PPP2R2B: variants seen among roughly 807,000 people sequenced by gnomAD.
PPP2R2B encodes serine/threonine-protein phosphatase 2A 55 kDa regulatory subunit B beta isoform.
PPP2R2B carries 5 observed loss-of-function variants against 46.0 expected under a neutral mutation model. That is an observed-to-expected ratio of 0.11 (90% CI 0.06 to 0.23). PPP2R2B has a LOEUF of 0.23. Ranked by LOEUF, PPP2R2B falls within the 10% of genes least tolerant of loss-of-function variation. The probability of loss-of-function intolerance (pLI) is 1.00; values close to 1 mark genes in which losing one functional copy is unlikely to be tolerated. For missense variants in PPP2R2B, 367 were observed against 575.0 expected, an observed-to-expected ratio of 0.64 and a Z score of 3.70; for synonymous variants, 215 against 206.7, an observed-to-expected ratio of 1.04 and a Z score of -0.34.
chr5:146,808,281 G>A (rs1333160997), intron 2 of PPP2R2B, among the ~76,000 whole-genome samples: 1 of 152,092 alleles, frequency 6.6e-6, no homozygotes. Context: ...CATTTCAAGG[G>A]CTCAACAGTC....
intron 2 of PPP2R2B, among the ~76,000 whole-genome samples, chr5:146,845,833 GC>G (rs1360182058): frequency 5.9e-5 from 9 of 152,110 alleles, no homozygotes; most frequent in Non-Finnish European, 1.3e-4. Flanking sequence ...AATTCCTCCA[GC>G]AAGTGTAAAT....
intron 2 of PPP2R2B, among the ~76,000 whole-genome samples, chr5:146,726,073 G>A (rs997038337): frequency 1.3e-5 from 2 of 152,068 alleles, no homozygotes; most frequent in African/African-American, 4.8e-5. Flanking sequence ...AGTCCTACCT[G>A]GAGCCTTGAT....
intron 6 of PPP2R2B, among the ~76,000 whole-genome samples, chr5:146,644,216 C>A (rs1285784329): frequency 9.2e-6 from 1 of 109,002 alleles, no homozygotes; most frequent in African/African-American, 3.6e-5. Context: ...ACCTGAACTT[C>A]TTCCCTTAGG....
intron 1 of PPP2R2B, among the ~76,000 whole-genome samples, chr5:146,920,439 C>T (rs926436793): frequency 3.3e-5 from 5 of 152,180 alleles, no homozygotes; most frequent in African/African-American, 1.2e-4. Flanking sequence ...GCACAGTAGG[C>T]ATCTGGATCT....
At chr5:146,746,144 G>A (rs1262166562) in intron 2 of PPP2R2B, among the ~76,000 whole-genome samples, 3 of 152,124 alleles carry the variant, frequency 2.0e-5, no homozygotes, top group Non-Finnish European at 2.9e-5. Flanking sequence ...GCCATGCAGC[G>A]TGTTAATCAA....
At chr5:146,875,432 A>G (rs1290009060) in intron 2 of PPP2R2B, among the ~76,000 whole-genome samples, 1 of 152,142 alleles carries the variant, frequency 6.6e-6, no homozygotes, top group Admixed American at 6.5e-5. Context: ...GCTTGGGTGA[A>G]AGTGTCCTTT....
chr5:146,716,960 T>C (rs1479264390), intron 2 of PPP2R2B, among the ~76,000 whole-genome samples: 1 of 152,174 alleles, frequency 6.6e-6, no homozygotes, highest in Non-Finnish European at 1.5e-5. Context: ...GAAAGCATCT[T>C]TTTCAGTACC....
At chr5:146,657,097 T>G (rs1776382490) in intron 5 of PPP2R2B, among the ~76,000 whole-genome samples, 1 of 152,174 alleles carries the variant, frequency 6.6e-6, no homozygotes, top group Non-Finnish European at 1.5e-5. Context: ...GTGCCTTGCT[T>G]CAGAGACATG....
rs183665100 is a variant in PPP2R2B at position 147,029,759 on chromosome 5, C to T, written c.79+25906G>A. 3.8e-3 allele frequency among the ~76,000 whole-genome samples: 580 copies of T among 152,134 alleles called. 6 individuals carry two copies. Among genetic ancestry groups the T allele is most frequent in the African/African-American group, 0.013 (548 of 41,518 alleles). ...GAGTGGGCACGCATAAAGGAAAGGC[C>T]ATGTGAGGTCAGAGCAAGAAGGAAG... On this transcript the variant is annotated intron_variant, in intron 1 of 8. Transcript: ENST00000336640.
chr5:146,667,325 TGCGCGC>T lies in PPP2R2B; in HGVS notation c.448-16607_448-16602del, dbSNP rs748404166. 6.6e-3 allele frequency among the ~76,000 whole-genome samples: 285 copies of T among 42,956 alleles called. 2 individuals are homozygous for T. Among genetic ancestry groups the T allele is most frequent in the African/African-American group, 0.017 (246 of 14,424 alleles). 28.2% of individuals were successfully genotyped at this position (42,956 alleles called of 152,430 possible). A position where few individuals can be genotyped will look rare whatever the true frequency, so the allele number is the denominator to read the frequency against. On this transcript the variant is annotated intron_variant, in intron 5 of 9. Coordinates refer to ENST00000394411, the MANE Select transcript of PPP2R2B (RefSeq NM_181675.4). ...CAAGGAGAGACAGCAGGAATAGGCG[TGCGCGC>T]GCACACACACACACACACACACACA...
At chr5:147,052,210 T>G (rs1018346832) in intron 1 of PPP2R2B, among the ~76,000 whole-genome samples, 3 of 152,192 alleles carry the variant, frequency 2.0e-5, no homozygotes, top group Non-Finnish European at 4.4e-5. Context: ...CAAGCCACAA[T>G]GATGAAAACA....
intron 2 of PPP2R2B, among the ~76,000 whole-genome samples, chr5:146,716,834 C>T (rs1041354759): frequency 4.6e-5 from 7 of 152,148 alleles, no homozygotes; most frequent in Admixed American, 1.3e-4. Context: ...TGACTCATTT[C>T]TATTGGATTA....
chr5:147,031,895 TC>T (rs1034079797), intron 1 of PPP2R2B, among the ~76,000 whole-genome samples: 8 of 152,080 alleles, frequency 5.3e-5, no homozygotes, highest in Non-Finnish European at 5.9e-5. Flanking sequence ...AAAAATCGAC[TC>T]AAGATGGATT....
At chr5:146,757,002 T>C (rs1006530633) in intron 2 of PPP2R2B, among the ~76,000 whole-genome samples, 1 of 152,148 alleles carries the variant, frequency 6.6e-6, no homozygotes, top group Non-Finnish European at 1.5e-5. Context: ...AGCTAGAGAA[T>C]GAAGCTCTGA....
intron 9 of PPP2R2B, among the ~76,000 whole-genome samples, chr5:146,591,608 A>ATACTT (rs1181909200): frequency 6.6e-6 from 1 of 150,776 alleles, no homozygotes; most frequent in African/African-American, 2.5e-5. Flanking sequence ...ACTGCTTCCC[A>ATACTT]TACTTTGACG....
intron 2 of PPP2R2B, among the ~76,000 whole-genome samples, chr5:146,719,803 T>TTTTTTTTTTTTTTTTTTTTG (rs1418579202): frequency 6.6e-6 from 1 of 152,022 alleles, no homozygotes; most frequent in Non-Finnish European, 1.5e-5. Context: ...AATGAGTTTC[T>TTTTTTTTTTTTTTTTTTTTG]ATCATCTAAA....
upstream of PPP2R2B, among the ~76,000 whole-genome samples, chr5:146,882,401 G>T (rs1437782476): frequency 6.6e-6 from 1 of 152,076 alleles, no homozygotes; most frequent in Admixed American, 6.5e-5. Flanking sequence ...TACAGCAAAT[G>T]CATTCTATAT....
chr5:146,677,289 TC>T, intron 5 of PPP2R2B, among the ~76,000 whole-genome samples: 1 of 152,234 alleles, frequency 6.6e-6, no homozygotes, highest in Admixed American at 6.5e-5. Flanking sequence ...GAACTCTCAC[TC>T]CCTGAAAATA....
chr5:146,767,293 A>C (rs1754546261), intron 2 of PPP2R2B, among the ~76,000 whole-genome samples: 1 of 152,142 alleles, frequency 6.6e-6, no homozygotes, highest in Admixed American at 6.5e-5. Context: ...CACATCAGTC[A>C]TTTAGTCTGT....
Sources: gnomAD v4.1 joint callset for allele counts (sites outside exome capture counted in the v4.1 genomes callset) on GRCh38, gnomAD v4.1.1 for gene constraint, MANE v1.5 for transcripts, NCBI Gene and HGNC (gene_info 2026-07-23, HGNC 2026-07-21) for gene names.